SREK1IP1: variants seen among roughly 807,000 people sequenced by gnomAD.
The protein encoded by SREK1IP1 is SREK1 interacting protein 1.
Under a neutral mutation model 22.8 loss-of-function variants are expected in SREK1IP1, and 12 were observed. The ratio of observed to expected loss-of-function variants is 0.53; its 90% CI spans 0.34 to 0.85. SREK1IP1 has a LOEUF of 0.85. Among genes scored for constraint, SREK1IP1 ranks in the 40% least tolerant of loss-of-function variants. The pLI is 0.02. For missense variants in SREK1IP1, 147 were observed against 171.8 expected (o/e 0.86, Z 0.81); for synonymous variants, 53 against 52.7 (o/e 1.01, Z -0.02).
At chr5:64,737,654 A>G (rs1742488529) in intron 3 of SREK1IP1, among the ~76,000 whole-genome samples, 1 of 151,870 alleles carries the variant, frequency 6.6e-6, no homozygotes, top group South Asian at 2.1e-4. Flanking sequence ...GCTTTTTAAT[A>G]AAAAGATAAA....
At chr5:64,753,487 G>A (rs1230047786) in intron 2 of SREK1IP1, among the ~76,000 whole-genome samples, 1 of 152,210 alleles carries the variant, frequency 6.6e-6, no homozygotes, top group African/African-American at 2.4e-5. Flanking sequence ...CCTTGAGCCA[G>A]TTTTAGCTTT....
At chr5:64,747,317 C>A (rs1161183049) in intron 2 of SREK1IP1, among the ~76,000 whole-genome samples, 1 of 152,150 alleles carries the variant, frequency 6.6e-6, no homozygotes, top group Non-Finnish European at 1.5e-5. Flanking sequence ...GTTCCTCTGG[C>A]AAATGGCCTC....
rs544529739 is a variant in SREK1IP1 at position 64,718,866 on chromosome 5, A to G, written c.*5518T>C. ...ACTATGTCCTGTAGTTTTTGTAGTC[A>G]GAAACTAGCATTTCAGACAAGATCT... On this transcript the variant is annotated 3_prime_UTR_variant, in exon 5 of 5. Coordinates refer to ENST00000513458, the MANE Select transcript of SREK1IP1 (RefSeq NM_173829.4). 6 of 152,336 alleles carry G rather than the reference A, an allele frequency of 3.9e-5. No homozygotes were observed. In the South Asian group the frequency reaches 1.2e-3, roughly 32 times the overall value. 9.4% of individuals were successfully genotyped at this position (152,336 alleles called of 1,614,324 possible).
chr5:64,755,277 C>A (rs1002711646), intron 1 of SREK1IP1, among the ~76,000 whole-genome samples: 1 of 151,110 alleles, frequency 6.6e-6, no homozygotes, highest in African/African-American at 2.4e-5. Context: ...TTCATTGCAG[C>A]ATTATTTACA....
intron 3 of SREK1IP1, among the ~76,000 whole-genome samples, chr5:64,735,104 T>G (rs567361243): frequency 3.3e-5 from 5 of 152,182 alleles, no homozygotes; most frequent in Admixed American, 1.3e-4. Context: ...CTCAGAATTT[T>G]TTATCAGAAG....
chr5:64,733,434 T>C (rs968813840), intron 3 of SREK1IP1, among the ~76,000 whole-genome samples: 1 of 152,124 alleles, frequency 6.6e-6, no homozygotes, highest in African/African-American at 2.4e-5. Flanking sequence ...AAAAGATGTA[T>C]AACATCATTA....
At chr5:64,756,495 T>C (rs933663534) in intron 1 of SREK1IP1, among the ~76,000 whole-genome samples, 6 of 152,252 alleles carry the variant, frequency 3.9e-5, no homozygotes, top group Non-Finnish European at 7.3e-5. Context: ...TATTAGAATT[T>C]TATTCCCTTT....
chr5:64,736,577 T>C (rs1055909674), intron 3 of SREK1IP1, among the ~76,000 whole-genome samples: 1 of 151,998 alleles, frequency 6.6e-6, no homozygotes, highest in African/African-American at 2.4e-5. Flanking sequence ...TTCTCCTGCC[T>C]GAGCCTCCCG....
intron 1 of SREK1IP1, 38 bp downstream of exon 1, chr5:64,768,467 C>T: frequency 6.2e-7 from 1 of 1,614,042 alleles, no homozygotes. Flanking sequence ...GCGCTCCCTT[C>T]GGAGCTCGGA....
chr5:64,721,879 G>C lies in SREK1IP1; in HGVS notation c.*2505C>G, dbSNP rs1352003206. On this transcript the variant is annotated 3_prime_UTR_variant, in exon 5 of 5. Transcript: ENST00000513458. ...TTGATAATTATATATATTAAACCTTGAAGTGATTTCAGAGATAATCTGGTA... is the reference window on the plus strand; with the variant it reads ...TTGATAATTATATATATTAAACCTTCAAGTGATTTCAGAGATAATCTGGTA... The C allele has an allele frequency of 2.4e-4, 36 of 152,060 alleles. No individual in the cohort carries two copies. Among genetic ancestry groups the C allele is most frequent in the Non-Finnish European group, 1.5e-5 (1 of 68,014 alleles). The allele number at this position is 152,060 out of a possible 1,614,324, so 9.4% of individuals were successfully genotyped here.
intron 2 of SREK1IP1, among the ~76,000 whole-genome samples, chr5:64,741,509 T>C (rs546697050): frequency 6.6e-6 from 1 of 152,252 alleles, no homozygotes; most frequent in South Asian, 2.1e-4. Flanking sequence ...AATACAGTAA[T>C]ATCTTTAACT....
At chr5:64,768,055 A>G (rs1743083786) in intron 1 of SREK1IP1, among the ~76,000 whole-genome samples, 1 of 152,204 alleles carries the variant, frequency 6.6e-6, no homozygotes, top group African/African-American at 2.4e-5. Flanking sequence ...AGCTACATAC[A>G]ACAGGAAGAG....
chr5:64,761,092 A>G (rs1742946070), intron 1 of SREK1IP1, among the ~76,000 whole-genome samples: 1 of 152,242 alleles, frequency 6.6e-6, no homozygotes. Context: ...CAGACTTTCA[A>G]TAAAATTTTA....
chr5:64,766,942 A>T (rs1561394443), intron 1 of SREK1IP1, among the ~76,000 whole-genome samples: 1 of 152,188 alleles, frequency 6.6e-6, no homozygotes, highest in African/African-American at 2.4e-5. Context: ...TATCTACTTA[A>T]TTTCTCACTT....
intron 4 of SREK1IP1, among the ~76,000 whole-genome samples, chr5:64,727,083 G>A (rs898242387): frequency 3.9e-5 from 6 of 152,026 alleles, no homozygotes; most frequent in South Asian, 4.2e-4. Flanking sequence ...AACTCCTAAC[G>A]CTTGAAAGTG....
At chr5:64,752,269 A>G (rs1182263543) in intron 2 of SREK1IP1, among the ~76,000 whole-genome samples, 3 of 148,634 alleles carry the variant, frequency 2.0e-5, no homozygotes, top group Non-Finnish European at 4.4e-5. Context: ...CTCCTGTCTC[A>G]GCCTCCCAAG....
At chr5:64,755,478 G>A (rs1456705595) in intron 1 of SREK1IP1, among the ~76,000 whole-genome samples, 1 of 152,082 alleles carries the variant, frequency 6.6e-6, no homozygotes, top group East Asian at 1.9e-4. Context: ...AATACCACAT[G>A]TTCTCATTTA....
rs1039919609 is a variant in SREK1IP1 at position 64,718,280 on chromosome 5, A to G, written c.*6104T>C. 1 of 317,634 alleles carries G rather than the reference A, an allele frequency of 3.1e-6. No homozygotes were observed. Among genetic ancestry groups the G allele is most frequent in the African/African-American group, 2.2e-5 (1 of 45,706 alleles). The allele number at this position is 317,634 out of a possible 1,614,324, so 19.7% of individuals were successfully genotyped here. On this transcript the variant is annotated 3_prime_UTR_variant, in exon 5 of 5. Coordinates refer to ENST00000513458, the MANE Select transcript of SREK1IP1 (RefSeq NM_173829.4). ...GCTAATTATTCAGGAGAAATTAAATAATTTATCAATAACAAGATAAGCAGT... is the reference window on the plus strand; with the variant it reads ...GCTAATTATTCAGGAGAAATTAAATGATTTATCAATAACAAGATAAGCAGT...
At position 64,724,488 on chromosome 5, in the gene SREK1IP1, T is replaced by G; in HGVS notation, c.364A>C (p.Lys122Gln). The change falls in exon 5 of 5, where the codon AAG (lysine) becomes CAG (glutamine). Residue 122 changes from lysine (K) to glutamine (Q), a missense_variant. Lys to Gln is a moderately conservative substitution (Grantham distance 53). Coordinates refer to ENST00000513458, the MANE Select transcript of SREK1IP1 (RefSeq NM_173829.4). Reference sequence around the variant, plus strand: ...TGTTTCCCTTTTTTTGATTTACTCTTTTTTTCTTTTTTCTTTTCTTTCTTC... The same window carrying G: ...TGTTTCCCTTTTTTTGATTTACTCTGTTTTTCTTTTTTCTTTTCTTTCTTC... ...YQKKEKKKEKKSKSKKGKHHK... is the reference protein window; with the variant it reads ...YQKKEKKKEKQSKSKKGKHHK... 6.3e-7 allele frequency: 1 copy of G among 1,591,182 alleles called. No homozygotes were observed. Among genetic ancestry groups the G allele is most frequent in the Non-Finnish European group, 8.5e-7 (1 of 1,173,778 alleles).
Sources: allele counts gnomAD v4.1 joint callset (sites outside exome capture counted in the v4.1 genomes callset), GRCh38; gene constraint gnomAD v4.1.1; transcripts MANE v1.5; gene names NCBI Gene and HGNC (gene_info 2026-07-23, HGNC 2026-07-21).